TRPC6: variants seen among roughly 807,000 people sequenced by gnomAD.
TRPC6 encodes the protein transient receptor potential cation channel subfamily C member 6, also known as short transient receptor potential channel 6.
A neutral mutation model predicts 90.7 loss-of-function variants in TRPC6; 55 were observed. The observed-to-expected ratio is 0.61, with a 90% confidence interval of 0.49 to 0.76. TRPC6 has a LOEUF of 0.76. Among genes scored for constraint, TRPC6 ranks in the 30% least tolerant of loss-of-function variants. The probability of loss-of-function intolerance (pLI) is 0.00; values close to 1 mark genes in which losing one functional copy is unlikely to be tolerated. For synonymous variants in TRPC6, 393 were observed against 393.0 expected (o/e 1.00, Z 0.00); for missense variants, 989 against 1,122.7 (o/e 0.88, Z 1.70).
intron 10 of TRPC6, among the ~76,000 whole-genome samples, chr11:101,459,730 A>G (rs1307224256): frequency 2.6e-5 from 4 of 152,148 alleles, no homozygotes; most frequent in African/African-American, 9.7e-5. Flanking sequence ...CTTATTATAC[A>G]TCCTTCATGC....
At chr11:101,484,127 G>A (rs1449933507) in intron 4 of TRPC6, among the ~76,000 whole-genome samples, 1 of 152,092 alleles carries the variant, frequency 6.6e-6, no homozygotes, top group Admixed American at 6.6e-5. Context: ...ACACTTAGTT[G>A]GCACTGTTTT....
intron 4 of TRPC6, among the ~76,000 whole-genome samples, chr11:101,487,410 G>A (rs896423473): frequency 3.7e-4 from 56 of 152,090 alleles, no homozygotes; most frequent in African/African-American, 1.3e-3. Context: ...GGATACCAGT[G>A]CAATTTTGTT....
intron 1 of TRPC6, among the ~76,000 whole-genome samples, chr11:101,514,793 G>A (rs1860479203): frequency 6.6e-6 from 1 of 152,190 alleles, no homozygotes; most frequent in Non-Finnish European, 1.5e-5. Flanking sequence ...GAAGGGTTTG[G>A]AGCTTATATA....
intron 2 of TRPC6, among the ~76,000 whole-genome samples, chr11:101,503,493 C>G (rs1027761685): frequency 6.6e-6 from 1 of 152,166 alleles, no homozygotes; most frequent in Admixed American, 6.6e-5. Flanking sequence ...GTTGCTTTTA[C>G]CTCTACCTGG....
chr11:101,456,118 G>GATAA (rs1858878112), intron 10 of TRPC6, among the ~76,000 whole-genome samples: 1 of 151,994 alleles, frequency 6.6e-6, no homozygotes, highest in African/African-American at 2.4e-5. Context: ...AAACCACTCT[G>GATAA]ATAAATTACA....
intron 10 of TRPC6, among the ~76,000 whole-genome samples, chr11:101,462,234 A>G (rs1859021603): frequency 6.6e-6 from 1 of 152,176 alleles, no homozygotes; most frequent in Admixed American, 6.5e-5. Context: ...TATAGTTTGA[A>G]GTCAGGAGCG....
chr11:101,534,830 T>C (rs1860998618), intron 1 of TRPC6, among the ~76,000 whole-genome samples: 1 of 152,108 alleles, frequency 6.6e-6, no homozygotes, highest in South Asian at 2.1e-4. Flanking sequence ...CAGAAACGTA[T>C]ATGGTTCATA....
intron 1 of TRPC6, among the ~76,000 whole-genome samples, chr11:101,567,238 A>G (rs949780273): frequency 1.3e-5 from 2 of 152,098 alleles, no homozygotes; most frequent in African/African-American, 4.8e-5. Flanking sequence ...TCACAGTATA[A>G]ACAAAGCCCT....
intron 1 of TRPC6, among the ~76,000 whole-genome samples, chr11:101,573,919 T>TGTG (rs1862016618): frequency 3.0e-5 from 4 of 132,376 alleles, no homozygotes; most frequent in Admixed American, 7.8e-5. Flanking sequence ...AAGAAACAAA[T>TGTG]ACGTGTGTGT....
Position 101,471,441 on chromosome 11 carries a change from G to A in TRPC6, c.2206-55C>T, listed in dbSNP as rs192655263. 128 of 1,578,018 alleles carry A rather than the reference G, an allele frequency of 8.1e-5. No individual in the cohort carries two copies. The East Asian group carries it at 2.8e-3, about 35-fold the overall frequency. ...GGAAATGCATAAACAGAATTACTGGGATGCTTTTAACATTGTGTAGCTAGA... is the reference window on the plus strand; with the variant it reads ...GGAAATGCATAAACAGAATTACTGGAATGCTTTTAACATTGTGTAGCTAGA... On this transcript the variant is annotated intron_variant, in intron 8 of 12. Coordinates refer to ENST00000344327, the MANE Select transcript of TRPC6 (RefSeq NM_004621.6).
At chr11:101,548,599 G>GAC (rs1460263480) in intron 1 of TRPC6, among the ~76,000 whole-genome samples, 2 of 136,748 alleles carry the variant, frequency 1.5e-5, no homozygotes, top group African/African-American at 5.6e-5. Flanking sequence ...TTTTTTAATT[G>GAC]ACACCAGTTC....
At chr11:101,557,617 T>TA (rs1355719528) in intron 1 of TRPC6, among the ~76,000 whole-genome samples, 9 of 116,910 alleles carry the variant, frequency 7.7e-5, no homozygotes, top group African/African-American at 3.0e-4. Flanking sequence ...CTCTACTAAT[T>TA]CCACACACAC....
intron 1 of TRPC6, among the ~76,000 whole-genome samples, chr11:101,537,359 C>A (rs1168189958): frequency 6.6e-6 from 1 of 152,092 alleles, no homozygotes; most frequent in East Asian, 1.9e-4. Flanking sequence ...GCTACTGTTG[C>A]CTATGCAATT....
intron 1 of TRPC6, among the ~76,000 whole-genome samples, chr11:101,542,320 A>G (rs184737883): frequency 6.6e-6 from 1 of 152,350 alleles, no homozygotes; most frequent in Non-Finnish European, 1.5e-5. Flanking sequence ...GACTGAAAAA[A>G]TGTACATTGG....
chr11:101,559,833 G>C (rs1284199111), intron 1 of TRPC6, among the ~76,000 whole-genome samples: 1 of 132,818 alleles, frequency 7.5e-6, no homozygotes, highest in African/African-American at 3.0e-5. Context: ...CCCTTCCTGT[G>C]TCCAAGTGTT....
chr11:101,553,499 G>A (rs78862913), intron 1 of TRPC6, among the ~76,000 whole-genome samples: 46 of 152,086 alleles, frequency 3.0e-4, no homozygotes, highest in Admixed American at 1.4e-3. Context: ...CTCACCTATC[G>A]CATCAGCCCC....
At position 101,583,675 on chromosome 11, in the gene TRPC6, G is replaced by A; in HGVS notation, c.-172C>T. On this transcript the variant is annotated 5_prime_UTR_variant, in exon 1 of 13. Transcript: ENST00000344327. ...TGCAGACGCCCGCCGCAAGTGGCTC[G>A]CCCACTGGCCCGGGGAAAAGTCACC... is the stretch of plus-strand genomic sequence containing the variant. 1.6e-6 allele frequency: 1 copy of A among 618,928 alleles called. No homozygotes were observed. Among genetic ancestry groups the A allele is most frequent in the Non-Finnish European group, 2.5e-6 (1 of 397,066 alleles). The allele number at this position is 618,928 out of a possible 1,614,324, so 38.3% of individuals were successfully genotyped here. A position where few individuals can be genotyped will look rare whatever the true frequency, so the allele number is the denominator to read the frequency against.
intron 2 of TRPC6, among the ~76,000 whole-genome samples, chr11:101,499,044 C>A (rs1441080839): frequency 6.6e-6 from 1 of 152,106 alleles, no homozygotes; most frequent in African/African-American, 2.4e-5. Flanking sequence ...GAAACAAGGG[C>A]CATTTTTTAT....
At chr11:101,550,438 T>C (rs181496249) in intron 1 of TRPC6, among the ~76,000 whole-genome samples, 356 of 151,866 alleles carry the variant, frequency 2.3e-3, no homozygotes, top group South Asian at 6.6e-3. Context: ...TGCAGATTTA[T>C]TGATACTTTT....
Sources: allele counts gnomAD v4.1 joint callset (sites outside exome capture counted in the v4.1 genomes callset), GRCh38; gene constraint gnomAD v4.1.1; transcripts MANE v1.5; gene names NCBI Gene and HGNC (gene_info 2026-07-23, HGNC 2026-07-21).